The following SLC43A3 variants were observed in gnomAD, a reference collection of about 807,000 sequenced individuals.
SLC43A3 encodes the protein equilibrative nucleobase transporter 1.
In SLC43A3, 33 loss-of-function variants were observed where a neutral mutation model predicts 53.3. That is an observed-to-expected ratio of 0.62 (90% confidence interval 0.47 to 0.83). The LOEUF (loss-of-function observed/expected upper bound fraction) is 0.83, where lower values mean the gene tolerates loss of function less well. Among genes scored for constraint, SLC43A3 ranks in the 40% least tolerant of loss-of-function variants. SLC43A3 has a pLI of 0.00. For missense variants in SLC43A3, 530 were observed against 610.0 expected (o/e 0.87, Z 1.38); for synonymous variants, 236 against 246.2 (o/e 0.96, Z 0.39).
chr11:57,412,575 G>T (rs1301276991), intron 11 of SLC43A3, among the ~76,000 whole-genome samples: 1 of 152,124 alleles, frequency 6.6e-6, no homozygotes. Context: ...AACTTTGGGA[G>T]GCCAAGGCAG....
intron 11 of SLC43A3, among the ~76,000 whole-genome samples, chr11:57,410,378 T>C (rs1942396269): frequency 6.6e-6 from 1 of 152,132 alleles, no homozygotes; most frequent in African/African-American, 2.4e-5. Context: ...AGCTTTAAAC[T>C]ACCATTAACT....
rs951426625 is a variant in SLC43A3 at position 57,425,643 on chromosome 11, G to A, written c.212C>T (p.Ser71Leu). 3 of 1,614,138 alleles carry A rather than the reference G, an allele frequency of 1.9e-6. No individual in the cohort carries two copies. Among genetic ancestry groups the A allele is most frequent in the Middle Eastern group, 1.7e-4 (1 of 6,024 alleles). The change falls in exon 4 of 14, where the codon TCA becomes TTA. Residue 71 changes from serine (S) to leucine (L), a missense_variant. By Grantham distance (145) the Ser-to-Leu change is moderately radical (BLOSUM62 -2). Around this residue, in one of 3 missense-constraint regions of SLC43A3, gnomAD observed 376 missense variants for 386.7 expected, o/e 0.97. Coordinates refer to ENST00000395124, the MANE Select transcript of SLC43A3 (RefSeq NM_199329.3). ...GAAGGACCCCAGGGTGAAGATGAGTGAGAACCTCTCATCCTGGGCTTTGCA... is the reference window on the plus strand; with the variant it reads ...GAAGGACCCCAGGGTGAAGATGAGTAAGAACCTCTCATCCTGGGCTTTGCA... ...ADCKAQDERFSLIFTLGSFMN... is the reference protein window; with the variant it reads ...ADCKAQDERFLLIFTLGSFMN...
intron 8 of SLC43A3, among the ~76,000 whole-genome samples, chr11:57,417,468 G>A (rs1942772575): frequency 6.6e-6 from 1 of 152,184 alleles, no homozygotes. Context: ...CAGCCCCCAT[G>A]TAATCCTCCA....
chr11:57,425,919 T>A, intron 3 of SLC43A3, 70 bp downstream of exon 3: 9 of 1,485,912 alleles, frequency 6.1e-6, no homozygotes, highest in Non-Finnish European at 8.3e-6. Context: ...GGGGGCAGAG[T>A]CCTTCCTGCT....
Position 57,426,053 on chromosome 11 carries a change from T to C in SLC43A3, c.120A>G (p.Glu40=), listed in dbSNP as rs561405185. The part of the protein sequence containing the change: ...WPSLVFVFKN[E]DYFKDLCGPD... The stretch of plus-strand genomic sequence containing the variant: ...GTCCACACAGATCCTTAAAGTAATC[T>C]TCATTCTTGAAGACAAACACTAGTG... Residue 40 remains glutamate (E), a synonymous_variant, in exon 3 of 14, where the codon GAA becomes GAG. Coordinates refer to ENST00000395124, the MANE Select transcript of SLC43A3 (RefSeq NM_199329.3). 3 of 1,614,256 alleles carry C rather than the reference T, an allele frequency of 1.9e-6. No homozygotes were observed. In the African/African-American group the frequency reaches 4.0e-5, roughly 22 times the overall value.
In SLC43A3 at chr11:57,407,407, GA is replaced by G. The variant is rs1200905358; in HGVS notation, c.*384del. 5.8e-6 allele frequency: 1 copy of G among 171,576 alleles called. No homozygotes were observed. Among genetic ancestry groups the G allele is most frequent in the Non-Finnish European group, 1.3e-5 (1 of 79,240 alleles). 10.6% of individuals were successfully genotyped at this position (171,576 alleles called of 1,614,324 possible). ...GCCATGACAACCTCACTCTTCACCTGAAAATTTAACCCGTGGCAGAGGATCC... is the reference window on the plus strand; with the variant it reads ...GCCATGACAACCTCACTCTTCACCTGAAATTTAACCCGTGGCAGAGGATCC... On this transcript the variant is annotated 3_prime_UTR_variant, in exon 14 of 14. Transcript: ENST00000395124.
intron 11 of SLC43A3, among the ~76,000 whole-genome samples, chr11:57,413,957 A>G (rs908269120): frequency 2.6e-5 from 4 of 152,096 alleles, no homozygotes; most frequent in African/African-American, 9.7e-5. Context: ...CTTCCCTGAC[A>G]CCAATCCCAT....
Position 57,415,048 on chromosome 11 carries a change from A to G in SLC43A3, c.828T>C (p.Ser276=). 6.2e-7 allele frequency: 1 copy of G among 1,614,194 alleles called. No individual in the cohort carries two copies. Among genetic ancestry groups the G allele is most frequent in the Non-Finnish European group, 8.5e-7 (1 of 1,180,014 alleles). ...ELRSFWSYAF[S]RRFAWHLVWL... The stretch of plus-strand genomic sequence containing the variant: ...ACACCAGGTGCCAGGCAAAGCGCCG[A>G]GAGAAAGCGTAGCTCCAGAAGGAGC... The change falls in exon 10 of 14, where the codon TCT becomes TCC. Residue 276 remains serine, a synonymous_variant. Transcript: ENST00000395124.
intron 11 of SLC43A3, among the ~76,000 whole-genome samples, 163 bp from the exon 12 acceptor site, chr11:57,410,284 C>CA (rs1327122728): frequency 6.6e-6 from 1 of 152,190 alleles, no homozygotes; most frequent in Non-Finnish European, 1.5e-5. Flanking sequence ...TGCCCCACCT[C>CA]AAACTCATCA....
At chr11:57,410,464 C>A (rs1942399607) in intron 11 of SLC43A3, among the ~76,000 whole-genome samples, 1 of 152,110 alleles carries the variant, frequency 6.6e-6, no homozygotes. Context: ...GTAGCCAGAT[C>A]CTCTTTGTAA....
chr11:57,422,878 C>T (rs966036206), intron 5 of SLC43A3, among the ~76,000 whole-genome samples: 1 of 152,200 alleles, frequency 6.6e-6, no homozygotes, highest in Non-Finnish European at 1.5e-5. Flanking sequence ...CTCATGAGAT[C>T]TGTGTGAACA....
At chr11:57,418,780 C>T (rs1168337405) in intron 7 of SLC43A3, among the ~76,000 whole-genome samples, 1 of 151,934 alleles carries the variant, frequency 6.6e-6, no homozygotes, top group Non-Finnish European at 1.5e-5. Flanking sequence ...ATCCCAGCTA[C>T]TCGGGTGGTT....
chr11:57,411,393 CTT>C (rs754888072), intron 11 of SLC43A3, among the ~76,000 whole-genome samples: 17 of 143,182 alleles, frequency 1.2e-4, no homozygotes, highest in Non-Finnish European at 2.4e-4. Flanking sequence ...AATCCCAACA[CTT>C]TGGGAGGCCA....
rs759838830 is a variant in SLC43A3 at position 57,425,976 on chromosome 11, T to A, written c.184+13A>T. 1.9e-6 allele frequency: 3 copies of A among 1,612,026 alleles called. No homozygotes were observed. Among genetic ancestry groups the A allele is most frequent in the Non-Finnish European group, 2.5e-6 (3 of 1,178,256 alleles). Reference sequence around the variant, plus strand: ...AGACTTAACTTCCTTAGAAAAGTCATCCCTGCCCTTACCAGCCTGCCCTGT... The same window carrying A: ...AGACTTAACTTCCTTAGAAAAGTCAACCCTGCCCTTACCAGCCTGCCCTGT... On this transcript the variant is annotated intron_variant, in intron 3 of 13. Coordinates refer to ENST00000395124, the MANE Select transcript of SLC43A3 (RefSeq NM_199329.3).
chr11:57,410,830 G>A (rs775722055), intron 11 of SLC43A3, among the ~76,000 whole-genome samples: 5 of 152,108 alleles, frequency 3.3e-5, no homozygotes, highest in Admixed American at 2.0e-4. Flanking sequence ...TCTTTCCCAC[G>A]CTATTCTTGT....
At chr11:57,415,157 T>C (rs1164383991) in intron 9 of SLC43A3, 51 bp from the exon 10 acceptor site, 13 of 1,585,860 alleles carry the variant, frequency 8.2e-6, no homozygotes, top group Non-Finnish European at 1.1e-5. Context: ...AGTGGACAGG[T>C]AGGATGGGGA....
chr11:57,409,075 G>T, intron 13 of SLC43A3, 100 bp downstream of exon 13: 2 of 1,186,796 alleles, frequency 1.7e-6, no homozygotes, highest in Non-Finnish European at 2.5e-6. Context: ...TTGGGAAGCT[G>T]CACCATGCTA....
intron 12 of SLC43A3, 71 bp from the exon 13 acceptor site, chr11:57,409,369 G>C: frequency 1.3e-6 from 2 of 1,580,266 alleles, no homozygotes; most frequent in Non-Finnish European, 1.7e-6. Flanking sequence ...CCTGGCCTCT[G>C]GGGGCTGTCG....
chr11:57,407,990 T>A (rs1169777253), intron 13 of SLC43A3, 94 bp from the exon 14 acceptor site: 1 of 798,460 alleles, frequency 1.3e-6, no homozygotes, highest in African/African-American at 1.7e-5. Flanking sequence ...CCATGACCAA[T>A]GAAGGGACCA....
Sources: allele counts gnomAD v4.1 joint callset (sites outside exome capture counted in the v4.1 genomes callset), GRCh38; gene constraint gnomAD v4.1.1; regional missense constraint gnomAD v4.1.1; transcripts MANE v1.5; gene names NCBI Gene and HGNC (gene_info 2026-07-23, HGNC 2026-07-21).